ERC1: variants seen among roughly 807,000 people sequenced by gnomAD.
ERC1 encodes the protein RAB6 interacting protein 2.
ERC1 carries 56 observed loss-of-function variants against 132.0 expected under a neutral mutation model. That is an observed-to-expected ratio of 0.42 (90% CI 0.34 to 0.53). The LOEUF (loss-of-function observed/expected upper bound fraction) is 0.53, where lower values mean the gene tolerates loss of function less well. Among genes scored for constraint, ERC1 ranks in the 20% least tolerant of loss-of-function variants. The pLI is 0.03. For synonymous variants in ERC1, 478 were observed against 476.1 expected, an observed-to-expected ratio of 1.00 and a Z score of -0.05; for missense variants, 1,202 against 1,349.9, an observed-to-expected ratio of 0.89 and a Z score of 1.72.
At chr12:1,405,699 T>C (rs1209927451) in intron 16 of ERC1, among the ~76,000 whole-genome samples, 3 of 151,916 alleles carry the variant, frequency 2.0e-5, no homozygotes, top group Non-Finnish European at 4.4e-5. Context: ...CAAGACTCCA[T>C]CTCAAAAAAA....
chr12:1,210,984 C>CAA (rs147811983), intron 12 of ERC1, among the ~76,000 whole-genome samples: 14 of 114,606 alleles, frequency 1.2e-4, no homozygotes, highest in Non-Finnish European at 2.5e-4. Context: ...GACTGTGTCT[C>CAA]AAAAAAAAAA....
chr12:1,364,159 A>T (rs1344637404), intron 15 of ERC1, among the ~76,000 whole-genome samples: 1 of 152,218 alleles, frequency 6.6e-6, no homozygotes, highest in Non-Finnish European at 1.5e-5. Context: ...CCTACCTGCA[A>T]TTCTTGAATC....
At chr12:1,269,908 G>C (rs1297531618) in intron 14 of ERC1, among the ~76,000 whole-genome samples, 2 of 152,138 alleles carry the variant, frequency 1.3e-5, no homozygotes, top group African/African-American at 4.8e-5. Flanking sequence ...AAAAACTTTG[G>C]AATGTTAACA....
At chr12:1,460,948 T>A (rs1056944063) in intron 18 of ERC1, among the ~76,000 whole-genome samples, 2 of 136,844 alleles carry the variant, frequency 1.5e-5, no homozygotes, top group Admixed American at 8.3e-5. Context: ...GCCTAAACGA[T>A]GAGGAGGCCC....
chr12:996,052 C>T (rs1592563329), intron 1 of ERC1, among the ~76,000 whole-genome samples: 2 of 151,382 alleles, frequency 1.3e-5, no homozygotes, highest in Admixed American at 1.3e-4. Context: ...ATAGATGAGA[C>T]AAATGTAAGA....
intron 15 of ERC1, among the ~76,000 whole-genome samples, chr12:1,339,985 G>A (rs1319048434): frequency 6.6e-6 from 1 of 152,186 alleles, no homozygotes; most frequent in Non-Finnish European, 1.5e-5. Context: ...ACGTACACAT[G>A]TGCTGGCAAA....
chr12:1,122,559 ATC>A lies in ERC1; in HGVS notation c.1569+6530_1569+6531del, dbSNP rs1446520174. 5.9e-3 allele frequency among the ~76,000 whole-genome samples: 169 copies of A among 28,666 alleles called. 1 individual carries two copies. Among genetic ancestry groups the A allele is most frequent in the Admixed American group, 0.015 (48 of 3,274 alleles). 18.8% of individuals were successfully genotyped at this position (28,666 alleles called of 152,430 possible). ...TATCTCTATCTGTGTCTCTATCTCT[ATC>A]TCTATCTGTGTCTCTATCTCTATCT... is the stretch of plus-strand genomic sequence containing the variant. On this transcript the variant is annotated intron_variant, in intron 7 of 18. Transcript: ENST00000360905.
At chr12:1,104,696 A>G (rs1414190501) in intron 3 of ERC1, 54 bp from the exon 4 acceptor site, 8 of 1,304,916 alleles carry the variant, frequency 6.1e-6, no homozygotes, top group Middle Eastern at 3.7e-4. Context: ...CCTCTTTGAA[A>G]AAAATGAGGG....
chr12:1,158,929 A>T (rs1951646281), intron 8 of ERC1, among the ~76,000 whole-genome samples: 1 of 151,378 alleles, frequency 6.6e-6, no homozygotes, highest in South Asian at 2.1e-4. Flanking sequence ...TAATATACTG[A>T]GTATAATCAC....
Position 1,083,267 on chromosome 12 carries a change from G to C in ERC1, c.773G>C (p.Cys258Ser), listed in dbSNP as rs775844200. The C allele has an allele frequency of 7.4e-6, 12 of 1,614,228 alleles. No individual in the cohort carries two copies. The highest frequency in any genetic ancestry group is 1.0e-5 in the Non-Finnish European group (12 of 1,180,042). Residue 258 changes from cysteine (C) to serine (S), a missense_variant, in exon 3 of 19, where the codon TGT (cysteine) becomes TCT (serine). By Grantham distance (112) the Cys-to-Ser change is moderately radical (BLOSUM62 -1). Transcript: ENST00000360905. ...QDSSSRTGEP[C>S]VAELTEENFQ... ...AGTAGCAGCAGGACTGGCGAACCTTGTGTAGCAGAGCTGACAGAGGAGAAC... is the reference window on the plus strand; with the variant it reads ...AGTAGCAGCAGGACTGGCGAACCTTCTGTAGCAGAGCTGACAGAGGAGAAC...
At chr12:1,250,189 A>G (rs1003036925) in intron 13 of ERC1, among the ~76,000 whole-genome samples, 2 of 152,160 alleles carry the variant, frequency 1.3e-5, no homozygotes, top group African/African-American at 4.8e-5. Context: ...TGAATATAAC[A>G]CGTTGTTTTC....
At chr12:1,454,591 G>A (rs2093491244) in intron 18 of ERC1, among the ~76,000 whole-genome samples, 2 of 152,190 alleles carry the variant, frequency 1.3e-5, no homozygotes, top group South Asian at 2.1e-4. Context: ...ATCTGGGTCA[G>A]GAGAGTTGTG....
chr12:1,446,835 T>G (rs1414247337), intron 18 of ERC1, among the ~76,000 whole-genome samples: 2 of 152,134 alleles, frequency 1.3e-5, no homozygotes, highest in South Asian at 4.1e-4. Flanking sequence ...CTTTCTTTCT[T>G]GAAAGAGGAA....
At chr12:998,158 G>A (rs79756180) in intron 1 of ERC1, among the ~76,000 whole-genome samples, 8,802 of 152,024 alleles carry the variant, frequency 0.058, 380 homozygotes, top group Admixed American at 0.15. Flanking sequence ...TGTTTCTATC[G>A]CCATTATTTC....
At chr12:1,334,599 T>C (rs1404102031) in intron 15 of ERC1, among the ~76,000 whole-genome samples, 2 of 152,036 alleles carry the variant, frequency 1.3e-5, no homozygotes, top group Non-Finnish European at 2.9e-5. Flanking sequence ...CTATGTGTCT[T>C]TGTACCAGTT....
At chr12:1,191,048 A>G (rs1955677823) in intron 12 of ERC1, among the ~76,000 whole-genome samples, 1 of 152,146 alleles carries the variant, frequency 6.6e-6, no homozygotes, top group South Asian at 2.1e-4. Context: ...TTAATTTTCA[A>G]GAAACCAAAA....
intron 3 of ERC1, among the ~76,000 whole-genome samples, chr12:1,097,439 CT>C (rs1944176795): frequency 6.6e-6 from 1 of 152,216 alleles, no homozygotes; most frequent in African/African-American, 2.4e-5. Context: ...TACTCCTAAG[CT>C]TGACCTTTTA....
At chr12:1,427,281 C>G (rs368640418) in intron 17 of ERC1, among the ~76,000 whole-genome samples, 7 of 152,194 alleles carry the variant, frequency 4.6e-5, no homozygotes, top group African/African-American at 1.4e-4. Context: ...TGTGTGAAAC[C>G]TGGGTGCCTC....
At chr12:1,466,411 G>A (rs2093744674) in intron 18 of ERC1, among the ~76,000 whole-genome samples, 1 of 152,134 alleles carries the variant, frequency 6.6e-6, no homozygotes, top group Non-Finnish European at 1.5e-5. Flanking sequence ...GTCTCCAAAT[G>A]CAGTCACATC....
Sources: allele counts gnomAD v4.1 joint callset (sites outside exome capture counted in the v4.1 genomes callset), GRCh38; gene constraint gnomAD v4.1.1; transcripts MANE v1.5; gene names NCBI Gene and HGNC (gene_info 2026-07-23, HGNC 2026-07-21).